Variants in ACYP2 observed in about 807,000 individuals in gnomAD.
The protein encoded by ACYP2 is acylphosphatase 2.
In ACYP2, 12 loss-of-function variants were observed where a neutral mutation model predicts 11.2. The ratio of observed to expected loss-of-function variants is 1.08; its 90% CI spans 0.69 to 1.74. ACYP2 has a LOEUF of 1.74. Ranked by LOEUF, ACYP2 falls within the 40% of genes most tolerant of loss-of-function variation. ACYP2 has a pLI of 0.00. For synonymous variants in ACYP2, 43 were observed against 32.2 expected, an observed-to-expected ratio of 1.33 and a Z score of -1.13; for missense variants, 134 against 101.9, an observed-to-expected ratio of 1.31 and a Z score of -1.35.
At chr2:54,255,685 G>A (rs746095026) in intron 6 of ACYP2, 2 of 1,613,762 alleles carry the variant, frequency 1.2e-6, no homozygotes, top group South Asian at 1.1e-5. Context: ...TGAGAACATG[G>A]CACACTCCTC....
At chr2:54,178,383 C>T (rs1463419375) in intron 6 of ACYP2, among the ~76,000 whole-genome samples, 2 of 152,106 alleles carry the variant, frequency 1.3e-5, no homozygotes, top group African/African-American at 2.4e-5. Flanking sequence ...GAGATTTGTT[C>T]TGATCCACCT....
At chr2:54,206,818 C>G (rs1360356642) in intron 6 of ACYP2, among the ~76,000 whole-genome samples, 2 of 152,194 alleles carry the variant, frequency 1.3e-5, no homozygotes, top group African/African-American at 4.8e-5. Context: ...ATAGAGGGAA[C>G]TTTCGTGGGT....
At chr2:54,151,295 AG>A (rs1319584372) in intron 6 of ACYP2, among the ~76,000 whole-genome samples, 6 of 152,226 alleles carry the variant, frequency 3.9e-5, no homozygotes, top group Non-Finnish European at 2.9e-5. Context: ...GTGAACAATT[AG>A]GTGGTGTCAG....
intron 6 of ACYP2, among the ~76,000 whole-genome samples, chr2:54,184,602 A>C (rs1683890727): frequency 6.6e-6 from 1 of 152,150 alleles, no homozygotes; most frequent in South Asian, 2.1e-4. Context: ...TCTAAATAAA[A>C]ATATCTAGAA....
intron 6 of ACYP2, among the ~76,000 whole-genome samples, chr2:54,238,142 T>A (rs1463546213): frequency 3.3e-5 from 5 of 152,234 alleles, no homozygotes; most frequent in African/African-American, 4.8e-5. Flanking sequence ...TTCAAAATTA[T>A]CATCCAGACC....
At position 54,196,293 on chromosome 2, in the gene ACYP2, A is replaced by G. The variant is rs544762852; in HGVS notation, c.404+57545A>G. Among the ~76,000 whole-genome samples, 14 of 152,198 alleles carry G rather than the reference A, an allele frequency of 9.2e-5. No homozygotes were observed. In the East Asian group the frequency reaches 1.9e-3, roughly 21 times the overall value. On this transcript the variant is annotated intron_variant, in intron 6 of 6. Transcript: ENST00000607452. ...CTCACTGAAACCTCCGCTCACTGCA[A>G]TCTCCACCTCCCAGGCTCAAGCCAT...
At chr2:54,231,778 G>A (rs1686246804) in intron 6 of ACYP2, among the ~76,000 whole-genome samples, 1 of 152,226 alleles carries the variant, frequency 6.6e-6, no homozygotes. Context: ...TTTGATGTAA[G>A]AGTCCATTTC....
At chr2:54,120,708 C>G (rs1224632605) in intron 4 of ACYP2, among the ~76,000 whole-genome samples, 2 of 152,152 alleles carry the variant, frequency 1.3e-5, no homozygotes, top group Admixed American at 6.6e-5. Flanking sequence ...TGCTACTGGT[C>G]TGGATCCTGC....
chr2:54,016,571 T>A (rs1208592812), intron 2 of ACYP2, among the ~76,000 whole-genome samples: 1 of 152,118 alleles, frequency 6.6e-6, no homozygotes, highest in Non-Finnish European at 1.5e-5. Context: ...TAAGTGAGTG[T>A]TCTAGAAATG....
intron 6 of ACYP2, among the ~76,000 whole-genome samples, chr2:54,173,426 T>G (rs1683299246): frequency 6.6e-6 from 1 of 152,230 alleles, no homozygotes; most frequent in Non-Finnish European, 1.5e-5. Flanking sequence ...GAGTTCTTTG[T>G]AGATTCTGGA....
In ACYP2 at chr2:54,282,319, G is replaced by A. The variant is rs190648004; in HGVS notation, c.405-22369G>A. 2.0e-3 allele frequency among the ~76,000 whole-genome samples: 310 copies of A among 152,258 alleles called. 1 individual carries two copies. Among genetic ancestry groups the A allele is most frequent in the Non-Finnish European group, 3.7e-3 (251 of 68,012 alleles). On this transcript the variant is annotated intron_variant, in intron 6 of 6. Transcript: ENST00000607452. ...ACCAAATCCCACCGTCACGGACGAT[G>A]GGAAACTAAAATCAGCTTTAACATT...
intron 2 of ACYP2, among the ~76,000 whole-genome samples, chr2:53,988,803 T>G (rs927918161): frequency 6.6e-6 from 1 of 152,086 alleles, no homozygotes; most frequent in African/African-American, 2.4e-5. Context: ...TGGAGTGCAG[T>G]GGCATGATCT....
intron 6 of ACYP2, among the ~76,000 whole-genome samples, chr2:54,149,266 C>T (rs1409350683): frequency 6.6e-6 from 1 of 152,202 alleles, no homozygotes; most frequent in Admixed American, 6.5e-5. Context: ...CAGGGACCAT[C>T]ATTTAGAGAT....
At chr2:54,119,959 C>T (rs982924601) in intron 4 of ACYP2, among the ~76,000 whole-genome samples, 1 of 152,114 alleles carries the variant, frequency 6.6e-6, no homozygotes, top group Admixed American at 6.5e-5. Flanking sequence ...GTAGAATGCT[C>T]CCCAATTGGG....
intron 4 of ACYP2, among the ~76,000 whole-genome samples, chr2:54,094,755 C>T (rs995478189): frequency 6.6e-6 from 1 of 151,896 alleles, no homozygotes; most frequent in Admixed American, 6.6e-5. Context: ...CCTGACTGGT[C>T]TCAAACTTCT....
At chr2:54,245,710 AT>A (rs201904157) in intron 6 of ACYP2, among the ~76,000 whole-genome samples, 2,001 of 142,688 alleles carry the variant, frequency 0.014, 29 homozygotes, top group African/African-American at 0.044. Context: ...TTTTAATCAG[AT>A]TTTTTTTTTT....
intron 2 of ACYP2, among the ~76,000 whole-genome samples, chr2:53,991,774 T>G (rs1672308493): frequency 6.6e-6 from 1 of 152,032 alleles, no homozygotes. Context: ...CTCTCAATTT[T>G]TTTTAAGTTT....
intron 6 of ACYP2, among the ~76,000 whole-genome samples, chr2:54,238,130 T>C (rs1371547030): frequency 6.6e-6 from 1 of 152,218 alleles, no homozygotes; most frequent in Non-Finnish European, 1.5e-5. Flanking sequence ...CTCTGACATT[T>C]ATTCAAAATT....
chr2:54,034,670 G>A (rs1314617967), intron 2 of ACYP2, among the ~76,000 whole-genome samples: 1 of 152,024 alleles, frequency 6.6e-6, no homozygotes, highest in Non-Finnish European at 1.5e-5. Context: ...TTTACAACAG[G>A]GATATTTCCC....
Sources: allele counts gnomAD v4.1 joint callset (sites outside exome capture counted in the v4.1 genomes callset), GRCh38; gene constraint gnomAD v4.1.1; transcripts MANE v1.5; gene names NCBI Gene and HGNC (gene_info 2026-07-23, HGNC 2026-07-21).